PRMT7: variants seen among roughly 807,000 people sequenced by gnomAD.
PRMT7 encodes the protein protein arginine N-methyltransferase 7.
A neutral mutation model predicts 85.4 loss-of-function variants in PRMT7; 75 were observed. The observed-to-expected ratio is 0.88, with a 90% CI of 0.73 to 1.06. The LOEUF (loss-of-function observed/expected upper bound fraction) is 1.06, where lower values mean the gene tolerates loss of function less well. Among genes scored for constraint, PRMT7 ranks in the 50% least tolerant of loss-of-function variants. The pLI is 0.00. For missense variants in PRMT7, 868 were observed against 915.2 expected (o/e 0.95, Z 0.67); for synonymous variants, 397 against 359.5 (o/e 1.10, Z -1.18).
chr16:68,339,588 T>C (rs1322971334), intron 8 of PRMT7, 25 bp downstream of exon 8: 1 of 1,609,716 alleles, frequency 6.2e-7, no homozygotes, highest in East Asian at 2.2e-5. Flanking sequence ...CCATAGGTGA[T>C]GGCGCTTTGA....
intron 5 of PRMT7, among the ~76,000 whole-genome samples, chr16:68,325,927 C>T (rs1189806909): frequency 1.3e-5 from 2 of 152,110 alleles, no homozygotes; most frequent in African/African-American, 4.8e-5. Flanking sequence ...CTTAAATGTC[C>T]CTATGGAGTC....
intron 17 of PRMT7, among the ~76,000 whole-genome samples, chr16:68,356,258 C>A (rs548342534): frequency 6.6e-6 from 1 of 152,348 alleles, no homozygotes; most frequent in East Asian, 1.9e-4. Flanking sequence ...GACGGGCAGC[C>A]CTGTCCTGCT....
intron 14 of PRMT7, among the ~76,000 whole-genome samples, chr16:68,349,319 C>T (rs2086915039): frequency 6.6e-6 from 1 of 152,016 alleles, no homozygotes; most frequent in African/African-American, 2.4e-5. Flanking sequence ...CGTTCCTTCT[C>T]ATGTGTGAAT....
intron 5 of PRMT7, among the ~76,000 whole-genome samples, chr16:68,327,084 A>G (rs536425608): frequency 4.1e-4 from 62 of 152,300 alleles, no homozygotes; most frequent in Non-Finnish European, 7.2e-4. Context: ...ATTCCATGTA[A>G]ATACTGCGCG....
chr16:68,325,748 G>A (rs909565933), intron 5 of PRMT7, among the ~76,000 whole-genome samples: 2 of 147,836 alleles, frequency 1.4e-5, no homozygotes, highest in Non-Finnish European at 3.0e-5. Flanking sequence ...CCGAGATTGC[G>A]CCACTGCACT....
intron 5 of PRMT7, 22 bp downstream of exon 5, chr16:68,324,854 T>C (rs1445109199): frequency 6.2e-7 from 1 of 1,612,274 alleles, no homozygotes; most frequent in Non-Finnish European, 8.5e-7. Context: ...CCTTCAGGTG[T>C]GTGTCCTGCA....
intron 17 of PRMT7, 100 bp downstream of exon 17, chr16:68,355,983 G>C (rs1487576543): frequency 7.9e-7 from 1 of 1,262,764 alleles, no homozygotes; most frequent in African/African-American, 1.5e-5. Flanking sequence ...ACGCTGACAC[G>C]TGGAGGGGGT....
intron 9 of PRMT7, among the ~76,000 whole-genome samples, chr16:68,344,900 ATCTTTG>A (rs1482545296): frequency 8.8e-6 from 1 of 113,728 alleles, no homozygotes; most frequent in Non-Finnish European, 1.8e-5. Flanking sequence ...CATCTGCTTT[ATCTTTG>A]TCTTTCTGCC....
At chr16:68,312,314 C>G (rs1343613954) in intron 2 of PRMT7, 138 bp downstream of exon 2, 1 of 150,982 alleles carries the variant, frequency 6.6e-6, no homozygotes, top group East Asian at 1.9e-4. Flanking sequence ...CCTCTGCCTC[C>G]CGGGCTCAAG....
rs775110866 is a variant in PRMT7, at chr16:68,346,167, C to T, written c.1078C>T (p.Arg360Cys). The T allele has an allele frequency of 2.4e-5, 39 of 1,613,842 alleles. No individual in the cohort carries two copies. The highest frequency in any genetic ancestry group is 1.6e-4 in the Middle Eastern group (1 of 6,084). The change falls in exon 11 of 19, where the codon CGC (arginine) becomes TGC (cysteine). Residue 360 changes from arginine (R) to cysteine (C), a missense_variant. Arg to Cys is a radical substitution (Grantham distance 180). Transcript: ENST00000441236. ...RTSPEKNERV[R>C]QMRPVCDCQA... ...TAGCCCTGAAAAGAATGAGAGAGTC[C>T]GCCAGATGCGCCCCGTGTGTGACTG...
intron 10 of PRMT7, 60 bp from the exon 11 acceptor site, chr16:68,346,085 C>G: frequency 1.2e-6 from 2 of 1,603,852 alleles, no homozygotes; most frequent in Non-Finnish European, 1.7e-6. Context: ...AGATTCATGC[C>G]CTCTGGAGAC....
At chr16:68,320,346 C>G (rs1460936401) in intron 3 of PRMT7, among the ~76,000 whole-genome samples, 4 of 152,196 alleles carry the variant, frequency 2.6e-5, no homozygotes, top group Non-Finnish European at 5.9e-5. Flanking sequence ...GGGGGGCTGA[C>G]AGCCTTCAGA....
rs1360658139 is a variant in PRMT7, at chr16:68,353,480, C to G, written c.1576-12C>G. 3.1e-6 allele frequency: 5 copies of G among 1,610,290 alleles called. No individual in the cohort carries two copies. The highest frequency in any genetic ancestry group is 3.4e-6 in the Non-Finnish European group (4 of 1,178,630). Reference sequence around the variant, plus strand: ...GCGGGCGGGTGTGGACGGGGCTGCTCCTTCCTCACAGGACCTGTGGCGGAT... The same window carrying G: ...GCGGGCGGGTGTGGACGGGGCTGCTGCTTCCTCACAGGACCTGTGGCGGAT... On this transcript the variant is annotated splice_polypyrimidine_tract_variant and intron_variant, in intron 15 of 18. Coordinates refer to ENST00000441236, the MANE Select transcript of PRMT7 (RefSeq NM_019023.5).
chr16:68,355,649 C>G lies in PRMT7; in HGVS notation c.1651-74C>G, dbSNP rs2088272829. ...CCCTTGTGACTGCAGTCAGTGGGAG[C>G]CAAGCCGGGGAGCGGTACCTCTGTC... On this transcript the variant is annotated intron_variant, in intron 16 of 18. Coordinates refer to ENST00000441236, the MANE Select transcript of PRMT7 (RefSeq NM_019023.5). 5.0e-6 allele frequency: 7 copies of G among 1,386,448 alleles called. No individual in the cohort carries two copies. In the South Asian group the frequency reaches 9.5e-5, roughly 19 times the overall value. 85.9% of individuals were successfully genotyped at this position (1,386,448 alleles called of 1,614,324 possible).
chr16:68,326,322 C>T (rs753003631), intron 5 of PRMT7, among the ~76,000 whole-genome samples: 29 of 152,104 alleles, frequency 1.9e-4, no homozygotes, highest in Non-Finnish European at 3.5e-4. Context: ...CTCTATTCAC[C>T]GCAACCTCCG....
intron 2 of PRMT7, among the ~76,000 whole-genome samples, chr16:68,313,481 G>T (rs1363476512): frequency 6.6e-6 from 1 of 152,144 alleles, no homozygotes; most frequent in Non-Finnish European, 1.5e-5. Context: ...GATATAATGT[G>T]CATGATTGTC....
intron 9 of PRMT7, 83 bp downstream of exon 9, chr16:68,340,051 C>T (rs9928605): frequency 0.55 from 762,296 of 1,378,018 alleles, 212,927 homozygotes; most frequent in East Asian, 0.79. Flanking sequence ...GAGCCTTGGA[C>T]CCAGGAGAAT....
At chr16:68,342,474 C>T (rs2085687294) in intron 9 of PRMT7, among the ~76,000 whole-genome samples, 1 of 152,142 alleles carries the variant, frequency 6.6e-6, no homozygotes, top group South Asian at 2.1e-4. Context: ...GAAATAGAAC[C>T]TGTCTCTACC....
chr16:68,339,521 C>T lies in PRMT7; in HGVS notation c.704C>T (p.Pro235Leu). The T allele has an allele frequency of 6.2e-7, 1 of 1,614,182 alleles. No homozygotes were observed. The highest frequency in any genetic ancestry group is 1.3e-5 in the African/African-American group (1 of 75,054). The change falls in exon 8 of 19, where the codon CCA becomes CTA. Residue 235 changes from proline to leucine, a missense_variant. Physicochemically the swap from Pro to Leu is moderately conservative, Grantham distance 98. Coordinates refer to ENST00000441236, the MANE Select transcript of PRMT7 (RefSeq NM_019023.5). ...VCDIQLNQVS[P>L]ADFTVLSDVL... ...GACATTCAGCTGAACCAGGTGTCAC[C>T]AGCCGACTTTACAGTCCTCAGCGAT... is the stretch of plus-strand genomic sequence containing the variant.
Sources: gnomAD v4.1 joint callset for allele counts (sites outside exome capture counted in the v4.1 genomes callset) on GRCh38, gnomAD v4.1.1 for gene constraint, MANE v1.5 for transcripts, NCBI Gene and HGNC (gene_info 2026-07-23, HGNC 2026-07-21) for gene names.